The following HDAC1 variants were observed in gnomAD, a reference collection of about 807,000 sequenced individuals.
HDAC1 encodes protein deacetylase HDAC1.
In HDAC1, 18 loss-of-function variants were observed where a neutral mutation model predicts 65.5. The ratio of observed to expected loss-of-function variants is 0.27; its 90% CI spans 0.19 to 0.41. The LOEUF is 0.41. HDAC1 is among the 10% of genes least tolerant of loss of function. The pLI is 1.00. For missense variants in HDAC1, 373 were observed against 625.2 expected (o/e 0.60, Z 4.30); for synonymous variants, 211 against 227.9 (o/e 0.93, Z 0.67).
intron 3 of HDAC1, among the ~76,000 whole-genome samples, chr1:32,317,269 G>A (rs1374727664): frequency 6.6e-6 from 1 of 152,192 alleles, no homozygotes; most frequent in Non-Finnish European, 1.5e-5. Context: ...ATGAGGTGAT[G>A]CTGCCCCTGA....
rs1641288872 is a variant in HDAC1, at chr1:32,331,337, C to G, written c.980-137C>G. The G allele has an allele frequency of 3.1e-6, 2 of 636,594 alleles. No homozygotes were observed. The highest frequency in any genetic ancestry group is 5.4e-5 in the East Asian group (2 of 36,704). The allele number at this position is 636,594 out of a possible 1,614,324, so 39.4% of individuals were successfully genotyped here. A position where few individuals can be genotyped will look rare whatever the true frequency, so the allele number is the denominator to read the frequency against. On this transcript the variant is annotated intron_variant, in intron 9 of 13. Transcript: ENST00000373548. This position sits in a 1 kb window ranked among gnomAD's most constrained non-coding sequence, Gnocchi z 4.2. ...AAATCCCATAGGTACCCGTGTCTCA[C>G]AGTGTCTTGGAGGCATTCTCCTCTG...
chr1:32,301,314 C>T lies in HDAC1; in HGVS notation c.50-1307C>T, dbSNP rs150340483. ...ACAAAAAATTAGCTGGGCATGGTGG[C>T]AGGCGCCTGTAGTCCCAGCTACTCG... is the stretch of plus-strand genomic sequence containing the variant. On this transcript the variant is annotated intron_variant, in intron 1 of 13. Transcript: ENST00000373548. Among the ~76,000 whole-genome samples, 1,507 of 152,184 alleles carry T rather than the reference C, an allele frequency of 9.9e-3. 19 individuals are homozygous for T. The highest frequency in any genetic ancestry group is 0.035 in the African/African-American group (1,464 of 41,516).
At chr1:32,314,597 C>T (rs947320895) in intron 2 of HDAC1, among the ~76,000 whole-genome samples, 5 of 151,868 alleles carry the variant, frequency 3.3e-5, no homozygotes, top group Admixed American at 6.6e-5. Flanking sequence ...GAGGCCGAGG[C>T]GGGTGGATCA....
intron 3 of HDAC1, among the ~76,000 whole-genome samples, chr1:32,318,582 T>G (rs932383164): frequency 4.6e-5 from 7 of 151,792 alleles, no homozygotes; most frequent in Admixed American, 2.0e-4. Flanking sequence ...TAGTGCCTAT[T>G]TCATAGTCAA....
chr1:32,329,367 C>T lies in HDAC1; in HGVS notation c.729+207C>T. 1 of 601,642 alleles carries T rather than the reference C, an allele frequency of 1.7e-6. No homozygotes were observed. The allele number at this position is 601,642 out of a possible 1,614,324, so 37.3% of individuals were successfully genotyped here. ...TTCCTTCTATGGGTCAGGTCTTCTG[C>T]TGGATACAAAAATATCTAAGACATG... is the stretch of plus-strand genomic sequence containing the variant. On this transcript the variant is annotated intron_variant, in intron 7 of 13. Coordinates refer to ENST00000373548, the MANE Select transcript of HDAC1 (RefSeq NM_004964.3). The surrounding 1 kb of genome is among the most constrained non-coding windows in gnomAD (Gnocchi z 4.1).
At position 32,299,832 on chromosome 1, in the gene HDAC1, G is replaced by A. The variant is rs143847996; in HGVS notation, c.50-2789G>A. Among the ~76,000 whole-genome samples, 433 of 152,128 alleles carry A rather than the reference G, an allele frequency of 2.8e-3. 1 individual carries two copies. Among genetic ancestry groups the A allele is most frequent in the African/African-American group, 0.01 (419 of 41,492 alleles). ...AGCACTTTGGGAGGCCGAGGTGGAC[G>A]GATCACGAGGTCAGGAGATCAAGAC... On this transcript the variant is annotated intron_variant, in intron 1 of 13. Transcript: ENST00000373548.
At chr1:32,309,564 G>A (rs1186616534) in intron 2 of HDAC1, among the ~76,000 whole-genome samples, 1 of 151,468 alleles carries the variant, frequency 6.6e-6, no homozygotes, top group African/African-American at 2.4e-5. Context: ...GTGGATGCCT[G>A]TAATCCCGAC....
intron 4 of HDAC1, among the ~76,000 whole-genome samples, chr1:32,325,270 CT>C (rs1641202203): frequency 6.6e-6 from 1 of 152,224 alleles, no homozygotes; most frequent in Non-Finnish European, 1.5e-5. Context: ...CCATTTGCAA[CT>C]TTTGGGTTAT....
At position 32,330,508 on chromosome 1, in the gene HDAC1, C is replaced by T; in HGVS notation, c.730-70C>T. ...TAGGAGTGGGTGGGAAAGTGTTGCA[C>T]CCAGCCTTTCCACTCCAAACCTCGT... On this transcript the variant is annotated intron_variant, in intron 7 of 13. Coordinates refer to ENST00000373548, the MANE Select transcript of HDAC1 (RefSeq NM_004964.3). This position sits in a 1 kb window ranked among gnomAD's most constrained non-coding sequence, Gnocchi z 4.2. 1.9e-6 allele frequency: 2 copies of T among 1,052,378 alleles called. No homozygotes were observed. The highest frequency in any genetic ancestry group is 1.3e-5 in the South Asian group (1 of 78,482). 65.2% of individuals were successfully genotyped at this position (1,052,378 alleles called of 1,614,324 possible).
chr1:32,328,295 G>A (rs988698579), intron 6 of HDAC1, among the ~76,000 whole-genome samples: 16 of 151,642 alleles, frequency 1.1e-4, no homozygotes, highest in Non-Finnish European at 2.4e-4. Context: ...CATGGCAAGC[G>A]TTAGAATAAA....
Position 32,292,119 on chromosome 1 carries a change from G to T in HDAC1, c.-51G>T, listed in dbSNP as rs754345193. 3 of 1,534,514 alleles carry T rather than the reference G, an allele frequency of 2.0e-6. No individual in the cohort carries two copies. The highest frequency in any genetic ancestry group is 1.2e-5 in the South Asian group (1 of 83,680). On this transcript the variant is annotated 5_prime_UTR_variant, in exon 1 of 14. Coordinates refer to ENST00000373548, the MANE Select transcript of HDAC1 (RefSeq NM_004964.3). ...TGGGTCGGACGCTGAGCGGAGCCGC[G>T]GGCGGGAGGGCGGACGGACCGACTG...
intron 3 of HDAC1, 24 bp downstream of exon 3, chr1:32,316,806 A>C (rs1570023520): frequency 6.9e-7 from 1 of 1,440,910 alleles, no homozygotes; most frequent in Non-Finnish European, 9.8e-7. Context: ...GTTCCCTCAC[A>C]CTCTGAAGCC....
chr1:32,321,946 G>C (rs1361126850), intron 3 of HDAC1, among the ~76,000 whole-genome samples: 1 of 152,126 alleles, frequency 6.6e-6, no homozygotes, highest in Non-Finnish European at 1.5e-5. Context: ...CCCAGGAAGT[G>C]AGGAAGAGAC....
chr1:32,331,003 C>CAACG lies in HDAC1; in HGVS notation c.979+95_979+96insAACG. On this transcript the variant is annotated intron_variant, in intron 9 of 13. Transcript: ENST00000373548. This position sits in a 1 kb window ranked among gnomAD's most constrained non-coding sequence, Gnocchi z 4.2. ...ACCCCTTCCCCGTTGGTCATATGAC[C>CAACG]GCTCCTCTTCTGATACTAGTCACTG... is the stretch of plus-strand genomic sequence containing the variant. 2.7e-6 allele frequency: 3 copies of CAACG among 1,113,888 alleles called. No homozygotes were observed. The highest frequency in any genetic ancestry group is 2.7e-6 in the Non-Finnish European group (2 of 749,296). 69.0% of individuals were successfully genotyped at this position (1,113,888 alleles called of 1,614,324 possible). A position where few individuals can be genotyped will look rare whatever the true frequency, so the allele number is the denominator to read the frequency against.
chr1:32,294,321 G>A (rs924146991), intron 1 of HDAC1, among the ~76,000 whole-genome samples: 1 of 150,686 alleles, frequency 6.6e-6, no homozygotes, highest in Non-Finnish European at 1.5e-5. Context: ...GCTAGTTTTT[G>A]TATTTTTATT....
Position 32,327,324 on chromosome 1 carries a change from T to G in HDAC1, c.495-212T>G, listed in dbSNP as rs1345585210. The G allele has an allele frequency of 3.2e-6, 2 of 618,872 alleles. No homozygotes were observed. The highest frequency in any genetic ancestry group is 3.7e-5 in the African/African-American group (2 of 54,258). The allele number at this position is 618,872 out of a possible 1,614,324, so 38.3% of individuals were successfully genotyped here. A position where few individuals can be genotyped will look rare whatever the true frequency, so the allele number is the denominator to read the frequency against. ...GTCCCTGTGTGGCTGGAGTTGACCC[T>G]GGCTGTAGAGTAGGAAGATCGGACT... On this transcript the variant is annotated intron_variant, in intron 5 of 13. Coordinates refer to ENST00000373548, the MANE Select transcript of HDAC1 (RefSeq NM_004964.3). The surrounding 1 kb of genome is among the most constrained non-coding windows in gnomAD (Gnocchi z 6.0).
chr1:32,324,752 TGAGGTCAG>T (rs1641194564), intron 4 of HDAC1, among the ~76,000 whole-genome samples, 199 bp downstream of exon 4: 2 of 152,120 alleles, frequency 1.3e-5, no homozygotes, highest in South Asian at 4.1e-4. Context: ...GAGGATTGCT[TGAGGTCAG>T]GAGTTCAAGA....
At chr1:32,332,508 T>G (rs573501049) in intron 12 of HDAC1, among the ~76,000 whole-genome samples, 193 bp from the exon 13 acceptor site, 2 of 152,316 alleles carry the variant, frequency 1.3e-5, no homozygotes, top group Admixed American at 1.3e-4. Flanking sequence ...CCCACCAGGT[T>G]CTGGCTGTAG....
At chr1:32,319,422 G>C (rs999803734) in intron 3 of HDAC1, among the ~76,000 whole-genome samples, 1 of 151,996 alleles carries the variant, frequency 6.6e-6, no homozygotes, top group African/African-American at 2.4e-5. Context: ...TTATAACCTG[G>C]GGTATCTACC....
Sources: gnomAD v4.1 joint callset for allele counts (sites outside exome capture counted in the v4.1 genomes callset) on GRCh38, gnomAD v4.1.1 for gene constraint, Gnocchi (gnomAD v3.1) non-coding constraint, MANE v1.5 for transcripts, NCBI Gene and HGNC (gene_info 2026-07-23, HGNC 2026-07-21) for gene names.